The following DNAH7 variants were observed in gnomAD, a reference collection of about 807,000 sequenced individuals.
DNAH7 encodes the protein dynein axonemal heavy chain 7.
In DNAH7, 397 loss-of-function variants were observed where a neutral mutation model predicts 444.6. That is an observed-to-expected ratio of 0.89 (90% CI 0.82 to 0.97). The LOEUF (loss-of-function observed/expected upper bound fraction) is 0.97, where lower values mean the gene tolerates loss of function less well. Among genes scored for constraint, DNAH7 ranks in the 50% least tolerant of loss-of-function variants. DNAH7 has a pLI of 0.00. For missense variants in DNAH7, 4,902 were observed against 4,800.8 expected (o/e 1.02, Z -0.62); for synonymous variants, 1,636 against 1,624.4 (o/e 1.01, Z -0.17).
At chr2:195,805,786 C>T (rs765663753) in intron 54 of DNAH7, among the ~76,000 whole-genome samples, 2 of 152,094 alleles carry the variant, frequency 1.3e-5, no homozygotes, top group Admixed American at 1.3e-4. Context: ...CTAATGGATA[C>T]TTGGGCCTTG....
At chr2:195,825,795 G>T (rs563778246) in intron 48 of DNAH7, among the ~76,000 whole-genome samples, 37 of 152,150 alleles carry the variant, frequency 2.4e-4, no homozygotes, top group Non-Finnish European at 5.3e-4. Flanking sequence ...GAAGGAAGGG[G>T]CTCAGGGTGC....
chr2:195,816,479 A>G, intron 51 of DNAH7, 149 bp downstream of exon 51: 1 of 620,624 alleles, frequency 1.6e-6, no homozygotes, highest in Non-Finnish European at 2.8e-6. Context: ...TAACCCCCAT[A>G]TTTACTTCTG....
At chr2:196,043,490 G>A (rs937889519) in intron 5 of DNAH7, among the ~76,000 whole-genome samples, 1 of 152,102 alleles carries the variant, frequency 6.6e-6, no homozygotes, top group South Asian at 2.1e-4. Flanking sequence ...AAAACTTCTG[G>A]ATATTAGCTT....
intron 64 of DNAH7, among the ~76,000 whole-genome samples, chr2:195,739,522 T>C (rs996276973): frequency 6.6e-6 from 1 of 152,218 alleles, no homozygotes; most frequent in Non-Finnish European, 1.5e-5. Context: ...TTTACAAAGC[T>C]TAATCTGCCA....
intron 61 of DNAH7, among the ~76,000 whole-genome samples, chr2:195,760,830 A>G (rs1694315326): frequency 6.6e-6 from 1 of 152,194 alleles, no homozygotes; most frequent in Admixed American, 6.5e-5. Context: ...ATGGGTACAA[A>G]CAAGCCCAGA....
chr2:195,947,120 AATTAT>A, intron 19 of DNAH7, among the ~76,000 whole-genome samples: 1 of 147,768 alleles, frequency 6.8e-6, no homozygotes, highest in East Asian at 2.0e-4. Flanking sequence ...ATATAATTAT[AATTAT>A]ATATTATATA....
chr2:195,828,610 A>ATT (rs35765183), intron 48 of DNAH7, among the ~76,000 whole-genome samples: 17 of 135,116 alleles, frequency 1.3e-4, no homozygotes, highest in Non-Finnish European at 1.7e-4. Context: ...ATATATATAT[A>ATT]TTTTTTTTTT....
intron 46 of DNAH7, 62 bp from the exon 47 acceptor site, chr2:195,845,227 T>C: frequency 7.1e-7 from 1 of 1,408,818 alleles, no homozygotes; most frequent in Non-Finnish European, 9.7e-7. Context: ...GCATGCTTTA[T>C]AATTCCTCAA....
At chr2:195,980,283 C>T (rs892158507) in intron 15 of DNAH7, among the ~76,000 whole-genome samples, 52 of 152,162 alleles carry the variant, frequency 3.4e-4, no homozygotes, top group African/African-American at 1.2e-3. Context: ...TGCTTTTCCA[C>T]CGGGCTTCAT....
In DNAH7 at chr2:195,864,854, G is replaced by A. The variant is rs759472244; in HGVS notation, c.6801C>T (p.Ser2267=). ...DGMVEADDLR[S]LMFCDFHDPK... ...GATCATGGAAATCACAAAACATTAA[G>A]CTGCGTAAGTCATCTGCTTCCACCA... The change falls in exon 41 of 65, where the codon AGC becomes AGT. Residue 2267 remains serine (S), a synonymous_variant. Coordinates refer to ENST00000312428, the MANE Select transcript of DNAH7 (RefSeq NM_018897.3). The A allele has an allele frequency of 1.5e-5, 24 of 1,613,980 alleles. No individual in the cohort carries two copies. Among genetic ancestry groups the A allele is most frequent in the Non-Finnish European group, 1.9e-5 (22 of 1,180,034 alleles).
At position 195,926,527 on chromosome 2, in the gene DNAH7, G is replaced by T; in HGVS notation, c.3511C>A (p.Arg1171=). 1 of 1,599,714 alleles carries T rather than the reference G, an allele frequency of 6.3e-7. No homozygotes were observed. The highest frequency in any genetic ancestry group is 8.5e-7 in the Non-Finnish European group (1 of 1,174,274). ...GGCCAATCCCTTACCCAGTTAATTC[G>T]TTCATATTTTGTATAGGCAAAAGTT... The part of the protein sequence containing the change: ...DATFAYTKYE[R]INWVRDWPGQ... The change falls in exon 22 of 65, where the codon CGA becomes AGA. Residue 1171 remains arginine, a synonymous_variant. Coordinates refer to ENST00000312428, the MANE Select transcript of DNAH7 (RefSeq NM_018897.3).
chr2:196,002,347 T>C (rs1694090136), intron 10 of DNAH7, among the ~76,000 whole-genome samples: 1 of 152,216 alleles, frequency 6.6e-6, no homozygotes, highest in Non-Finnish European at 1.5e-5. Context: ...CAAAATCAGG[T>C]ATTTATTTTC....
intron 63 of DNAH7, among the ~76,000 whole-genome samples, chr2:195,747,822 G>A (rs1333647733): frequency 2.6e-5 from 4 of 152,076 alleles, no homozygotes; most frequent in South Asian, 2.1e-4. Context: ...ATTAGGTATC[G>A]ATGGGACATA....
intron 21 of DNAH7, 130 bp downstream of exon 21, chr2:195,934,461 T>C (rs904791816): frequency 3.0e-6 from 3 of 996,072 alleles, no homozygotes; most frequent in African/African-American, 1.6e-5. Flanking sequence ...TCAAGTTATC[T>C]ATCACATTTG....
intron 40 of DNAH7, 148 bp downstream of exon 40, chr2:195,872,102 A>G (rs1700745359): frequency 1.6e-6 from 1 of 606,638 alleles, no homozygotes; most frequent in Non-Finnish European, 2.8e-6. Flanking sequence ...AAATATTTTT[A>G]AAATTTTTCT....
chr2:195,802,505 A>C (rs1453687876), intron 54 of DNAH7, among the ~76,000 whole-genome samples: 1 of 152,074 alleles, frequency 6.6e-6, no homozygotes, highest in Non-Finnish European at 1.5e-5. Context: ...CATCTCAAAA[A>C]AATTTTTTTT....
intron 24 of DNAH7, among the ~76,000 whole-genome samples, chr2:195,919,634 C>G (rs1484909818): frequency 6.6e-6 from 1 of 152,110 alleles, no homozygotes; most frequent in East Asian, 1.9e-4. Context: ...CATGAGCCAC[C>G]ACACCAGGCC....
intron 2 of DNAH7, among the ~76,000 whole-genome samples, chr2:196,054,594 C>G (rs1250883138): frequency 1.3e-5 from 2 of 152,096 alleles, no homozygotes; most frequent in Non-Finnish European, 2.9e-5. Flanking sequence ...ACCCCTCACC[C>G]CACCCCACCT....
rs139309570 is a variant in DNAH7 at position 195,816,216 on chromosome 2, T to G, written c.9761+412A>C. Among the ~76,000 whole-genome samples, 20 of 152,232 alleles carry G rather than the reference T, an allele frequency of 1.3e-4. No homozygotes were observed. In the East Asian group the frequency reaches 2.5e-3, roughly 19 times the overall value. ...AATAATCGCAACAAGGCTTGGGATT[T>G]TTTTACCCTAGCATTTGACAAATTT... On this transcript the variant is annotated intron_variant, in intron 51 of 64. Transcript: ENST00000312428.
Sources: gnomAD v4.1 joint callset for allele counts (sites outside exome capture counted in the v4.1 genomes callset) on GRCh38, gnomAD v4.1.1 for gene constraint, MANE v1.5 for transcripts, NCBI Gene and HGNC (gene_info 2026-07-23, HGNC 2026-07-21) for gene names.